The following GABRG1 variants were observed in gnomAD, a reference collection of about 807,000 sequenced individuals.
GABRG1 encodes the protein gamma-aminobutyric acid receptor subunit gamma-1.
Under a neutral mutation model 49.8 loss-of-function variants are expected in GABRG1, and 49 were observed. The ratio of observed to expected loss-of-function variants is 0.98; its 90% CI spans 0.78 to 1.25. The LOEUF (loss-of-function observed/expected upper bound fraction) is 1.25, where lower values mean the gene tolerates loss of function less well. Ranked by LOEUF, GABRG1 falls within the 50% of genes most tolerant of loss-of-function variation. The pLI is 0.00. For synonymous variants in GABRG1, 232 were observed against 185.1 expected (o/e 1.25, Z -2.06); for missense variants, 552 against 552.3 (o/e 1.00, Z 0.01).
chr4:46,109,630 AC>A (rs1720658688), intron 1 of GABRG1, among the ~76,000 whole-genome samples: 1 of 150,774 alleles, frequency 6.6e-6, no homozygotes, highest in Non-Finnish European at 1.5e-5. Flanking sequence ...GATTATTTTA[AC>A]CTTTTCAGGC....
At chr4:46,061,549 G>T (rs1465439008) in intron 5 of GABRG1, among the ~76,000 whole-genome samples, 1 of 151,934 alleles carries the variant, frequency 6.6e-6, no homozygotes, top group Non-Finnish European at 1.5e-5. Context: ...TAAGATAATT[G>T]TATGTATCTA....
chr4:46,094,460 G>A (rs1008046980), intron 2 of GABRG1, among the ~76,000 whole-genome samples: 1 of 151,950 alleles, frequency 6.6e-6, no homozygotes, highest in African/African-American at 2.4e-5. Context: ...ACTGAAGAAA[G>A]TAAATGTACC....
At chr4:46,091,290 C>A (rs13109191) in intron 2 of GABRG1, among the ~76,000 whole-genome samples, 15,949 of 151,932 alleles carry the variant, frequency 0.1, 1,904 homozygotes, top group African/African-American at 0.29. Flanking sequence ...TTTACTCAAC[C>A]TGACTATCGA....
chr4:46,071,224 CTT>C (rs1473516778), intron 3 of GABRG1, among the ~76,000 whole-genome samples: 3 of 151,824 alleles, frequency 2.0e-5, no homozygotes, highest in African/African-American at 7.3e-5. Context: ...AAATAACTAA[CTT>C]AATACTGGTT....
At position 46,041,083 on chromosome 4, in the gene GABRG1, G is replaced by A. The variant is rs779053780; in HGVS notation, c.1303C>T (p.Arg435Cys). 1.7e-5 allele frequency: 27 copies of A among 1,612,898 alleles called. No individual in the cohort carries two copies. Among genetic ancestry groups the A allele is most frequent in the Admixed American group, 8.4e-5 (5 of 59,794 alleles). The change falls in exon 9 of 9, where the codon CGC (arginine) becomes TGC (cysteine). Residue 435 changes from arginine to cysteine, a missense_variant. Physicochemically the swap from Arg to Cys is radical, Grantham distance 180. Coordinates refer to ENST00000295452, the MANE Select transcript of GABRG1 (RefSeq NM_173536.4). ...GSWREGRIHI[R>C]IAKIDSYSRI... ...GAATAAGAGTCAATTTTGGCAATGC[G>A]TATGTGTATCCTTCCTTCCCTCCAA...
intron 2 of GABRG1, among the ~76,000 whole-genome samples, chr4:46,096,036 C>G (rs1040560694): frequency 6.6e-6 from 1 of 151,736 alleles, no homozygotes; most frequent in African/African-American, 2.4e-5. Context: ...TCATTTAGCT[C>G]CCGCTTATAA....
chr4:46,060,805 G>A (rs899456094), intron 5 of GABRG1, among the ~76,000 whole-genome samples: 9 of 151,958 alleles, frequency 5.9e-5, no homozygotes, highest in African/African-American at 1.7e-4. Context: ...CTTTTAAAAA[G>A]TTTTAGAGTC....
intron 3 of GABRG1, among the ~76,000 whole-genome samples, chr4:46,069,452 C>T (rs1719038745): frequency 6.6e-6 from 1 of 152,040 alleles, no homozygotes; most frequent in Non-Finnish European, 1.5e-5. Context: ...ATTGTAAAAG[C>T]ACCAGCTTCT....
At chr4:46,081,095 A>G (rs1299130319) in intron 3 of GABRG1, among the ~76,000 whole-genome samples, 1 of 127,900 alleles carries the variant, frequency 7.8e-6, no homozygotes, top group Non-Finnish European at 1.7e-5. Flanking sequence ...CTTTCTTGCC[A>G]ACCTTGATGT....
chr4:46,111,438 A>G (rs187527069), intron 1 of GABRG1, among the ~76,000 whole-genome samples: 179 of 151,406 alleles, frequency 1.2e-3, no homozygotes, highest in African/African-American at 3.6e-3. Context: ...TACACATTCA[A>G]TGCTATTCCT....
At chr4:46,044,903 T>G (rs1340524507) in intron 8 of GABRG1, among the ~76,000 whole-genome samples, 2 of 152,078 alleles carry the variant, frequency 1.3e-5, no homozygotes, top group Non-Finnish European at 2.9e-5. Flanking sequence ...GCTCTTGATG[T>G]TGGAACTGGA....
In GABRG1 at chr4:46,096,857, G is replaced by A. The variant is rs535139629; in HGVS notation, c.253+344C>T. 6.6e-5 allele frequency among the ~76,000 whole-genome samples: 10 copies of A among 151,750 alleles called. No homozygotes were observed. The South Asian group carries it at 1.0e-3, about 16-fold the overall frequency. ...AAAGTATAATTTTGGAAATGAGAAT[G>A]TAAAATATTCATTATTTATAAAAAT... On this transcript the variant is annotated intron_variant, in intron 2 of 8. Coordinates refer to ENST00000295452, the MANE Select transcript of GABRG1 (RefSeq NM_173536.4).
In GABRG1 at chr4:46,123,877, G is replaced by C. The variant is rs140068403; in HGVS notation, c.37C>G (p.Leu13Val). Reference sequence around the variant, plus strand: ...ACCCCTCTACTTTGACTCCGCAGAAGAAAAGGGGAGAAGAGAAAAGCTTTC... The same window carrying C: ...ACCCCTCTACTTTGACTCCGCAGAACAAAAGGGGAGAAGAGAAAAGCTTTC... ...PLKAFLFSPF[L>V]LRSQSRGVRL... is the part of the protein sequence containing the mutation. The change falls in exon 1 of 9, where the codon CTT (leucine) becomes GTT (valine). Residue 13 changes from leucine (L) to valine (V), a missense_variant. Physicochemically the swap from Leu to Val is conservative, Grantham distance 32 (BLOSUM62 1). Transcript: ENST00000295452. The C allele has an allele frequency of 1.2e-6, 2 of 1,613,654 alleles. No homozygotes were observed. The highest frequency in any genetic ancestry group is 1.3e-5 in the African/African-American group (1 of 74,998).
chr4:46,093,581 A>G (rs1720072049), intron 2 of GABRG1, among the ~76,000 whole-genome samples: 1 of 152,012 alleles, frequency 6.6e-6, no homozygotes, highest in African/African-American at 2.4e-5. Flanking sequence ...ATTTAAAAAT[A>G]ACCAAAAGAG....
intron 3 of GABRG1, among the ~76,000 whole-genome samples, chr4:46,073,509 C>G (rs1249216879): frequency 6.6e-6 from 1 of 151,926 alleles, no homozygotes; most frequent in Admixed American, 6.6e-5. Flanking sequence ...TTGTTTTTTA[C>G]TTTCATGGCA....
intron 7 of GABRG1, among the ~76,000 whole-genome samples, chr4:46,052,666 G>A (rs548706868): frequency 1.4e-4 from 22 of 151,832 alleles, no homozygotes; most frequent in African/African-American, 3.4e-4. Flanking sequence ...ATCCTCATTC[G>A]TTTTCCCAGT....
rs1158227957 is a variant in GABRG1 at position 46,037,559 on chromosome 4, G to C, written c.*3429C>G. 6.6e-6 allele frequency: 1 copy of C among 151,706 alleles called. No homozygotes were observed. Among genetic ancestry groups the C allele is most frequent in the Non-Finnish European group, 1.5e-5 (1 of 67,828 alleles). 9.4% of individuals were successfully genotyped at this position (151,706 alleles called of 1,614,324 possible). A position where few individuals can be genotyped will look rare whatever the true frequency, so the allele number is the denominator to read the frequency against. ...AGTGAGACAAGCAGTAAAGGCTTAA[G>C]AGTCTACTGGGTACCTTCAATGCCA... On this transcript the variant is annotated 3_prime_UTR_variant, in exon 9 of 9. Coordinates refer to ENST00000295452, the MANE Select transcript of GABRG1 (RefSeq NM_173536.4).
At chr4:46,049,640 T>C (rs1311161962) in intron 8 of GABRG1, among the ~76,000 whole-genome samples, 2 of 152,040 alleles carry the variant, frequency 1.3e-5, no homozygotes, top group East Asian at 3.9e-4. Context: ...AGACTTAACA[T>C]ATGGATTAAA....
At chr4:46,059,359 C>G (rs1274096061) in intron 5 of GABRG1, among the ~76,000 whole-genome samples, 1 of 151,634 alleles carries the variant, frequency 6.6e-6, no homozygotes, top group Non-Finnish European at 1.5e-5. Flanking sequence ...TAGTGCCAAT[C>G]TTTTTTCCAT....
Sources: allele counts gnomAD v4.1 joint callset (sites outside exome capture counted in the v4.1 genomes callset), GRCh38; gene constraint gnomAD v4.1.1; transcripts MANE v1.5; gene names NCBI Gene and HGNC (gene_info 2026-07-23, HGNC 2026-07-21).